The following HOMER3 variants were observed in gnomAD, a reference collection of about 807,000 sequenced individuals.
HOMER3 encodes homer scaffold protein 3, also known as homer protein homolog 3.
A neutral mutation model predicts 45.5 loss-of-function variants in HOMER3; 34 were observed. The ratio of observed to expected loss-of-function variants is 0.75; its 90% CI spans 0.57 to 1.00. The LOEUF (loss-of-function observed/expected upper bound fraction) is 1.00, where lower values mean the gene tolerates loss of function less well. Ranked by LOEUF, HOMER3 falls within the 50% of genes least tolerant of loss-of-function variation. HOMER3 has a pLI of 0.00. For synonymous variants in HOMER3, 223 were observed against 208.8 expected (o/e 1.07, Z -0.58); for missense variants, 480 against 497.5 (o/e 0.96, Z 0.33).
In HOMER3 at chr19:18,939,319, C is replaced by T. The variant is rs116893520; in HGVS notation, c.-67-270G>A. 5.4e-3 allele frequency: 1,569 copies of T among 288,216 alleles called. 10 individuals are homozygous for T. The highest frequency in any genetic ancestry group is 8.4e-3 in the Non-Finnish European group (1,299 of 153,728). The allele number at this position is 288,216 out of a possible 1,614,324, so 17.9% of individuals were successfully genotyped here. Reference sequence around the variant, plus strand: ...AGCTGGGTGTGGTGGCATGTGCCTGCCGTCCCAGCTACTGGGGAGGCTGAG... The same window carrying T: ...AGCTGGGTGTGGTGGCATGTGCCTGTCGTCCCAGCTACTGGGGAGGCTGAG... On this transcript the variant is annotated intron_variant, in intron 1 of 9. Coordinates refer to ENST00000392351, the MANE Select transcript of HOMER3 (RefSeq NM_004838.4).
In HOMER3 at chr19:18,936,680, G is replaced by T. The variant is rs550715002; in HGVS notation, c.303+1673C>A. ...ACTCTGTCTCCAAAAAAAAAAAAAA[G>T]ACCTAAATTAGAAAGGTAAATTGTT... On this transcript the variant is annotated intron_variant, in intron 4 of 9. Coordinates refer to ENST00000392351, the MANE Select transcript of HOMER3 (RefSeq NM_004838.4). 1.7e-3 allele frequency among the ~76,000 whole-genome samples: 243 copies of T among 139,144 alleles called. 1 individual carries two copies. Among genetic ancestry groups the T allele is most frequent in the African/African-American group, 5.1e-3 (191 of 37,500 alleles). 91.3% of individuals were successfully genotyped at this position (139,144 alleles called of 152,430 possible).
chr19:18,929,316 G>A lies in HOMER3; in HGVS notation c.*127C>T, dbSNP rs747771343. On this transcript the variant is annotated 3_prime_UTR_variant, in exon 10 of 10. Coordinates refer to ENST00000392351, the MANE Select transcript of HOMER3 (RefSeq NM_004838.4). ...ACTGGGGCCCACCCCAGCCCAGCCC[G>A]GCCCGGCCCACCCAGGGCTAAGTTG... 25 of 758,070 alleles carry A rather than the reference G, an allele frequency of 3.3e-5. No homozygotes were observed. Among genetic ancestry groups the A allele is most frequent in the East Asian group, 3.5e-5 (1 of 28,446 alleles). The allele number at this position is 758,070 out of a possible 1,614,324, so 47.0% of individuals were successfully genotyped here.
intron 6 of HOMER3, among the ~76,000 whole-genome samples, chr19:18,932,385 A>G (rs1421648295): frequency 7.9e-5 from 1 of 12,684 alleles, no homozygotes; most frequent in Non-Finnish European, 1.5e-4. Context: ...CGCTGGGCTG[A>G]GGCGGAGTCA....
At chr19:18,935,152 T>TTTTTG (rs1555715207) in intron 4 of HOMER3, among the ~76,000 whole-genome samples, 2 of 106,724 alleles carry the variant, frequency 1.9e-5, no homozygotes, top group African/African-American at 7.0e-5. Context: ...TTTTTTTTTT[T>TTTTTG]GGGGGGGGAC....
chr19:18,934,372 C>T lies in HOMER3; in HGVS notation c.342G>A (p.Arg114=). 6.3e-7 allele frequency: 1 copy of T among 1,594,596 alleles called. No individual in the cohort carries two copies. ...CATCCTGAGATTTCTCCCTGGCCAG[C>T]CTGGCTGCTTCCTTCACTTCCTGGA... ...EKFQEVKEAA[R]LAREKSQDGG... Residue 114 remains arginine (R), a synonymous_variant, in exon 5 of 10, where the codon AGG becomes AGA. Transcript: ENST00000392351.
chr19:18,936,851 G>A lies in HOMER3; in HGVS notation c.303+1502C>T, dbSNP rs574848623. On this transcript the variant is annotated intron_variant, in intron 4 of 9. Coordinates refer to ENST00000392351, the MANE Select transcript of HOMER3 (RefSeq NM_004838.4). Reference sequence around the variant, plus strand: ...TAAAAATACAAAAAAAATTAGCAGGGCGTGGTGGCAGGCGCCTGTAGTCCC... The same window carrying A: ...TAAAAATACAAAAAAAATTAGCAGGACGTGGTGGCAGGCGCCTGTAGTCCC... Among the ~76,000 whole-genome samples, 3 of 151,954 alleles carry A rather than the reference G, an allele frequency of 2.0e-5. No homozygotes were observed. The East Asian group carries it at 5.8e-4, about 29-fold the overall frequency.
At chr19:18,939,493 T>C (rs2145136050) in intron 1 of HOMER3, 1 of 153,106 alleles carries the variant, frequency 6.5e-6, no homozygotes, top group East Asian at 1.9e-4. Flanking sequence ...AGATAATTAT[T>C]ATAGATAACT....
Position 18,932,027 on chromosome 19 carries a change from C to A in HOMER3, c.639G>T (p.Trp213Cys). ...CACGCTGAGCCTCCAGCTGCTGCCT[C>A]CACTGGGCTGCGGCGGCGTTGGCCT... ...LREANAAAAQ[W>C]RQQLEAQRAE... is the part of the protein sequence containing the mutation. Residue 213 changes from tryptophan to cysteine, a missense_variant, in exon 7 of 10, where the codon TGG becomes TGT. Physicochemically the swap from Trp to Cys is radical, Grantham distance 215. Coordinates refer to ENST00000392351, the MANE Select transcript of HOMER3 (RefSeq NM_004838.4). 1.3e-6 allele frequency: 2 copies of A among 1,549,834 alleles called. No individual in the cohort carries two copies. Among genetic ancestry groups the A allele is most frequent in the Non-Finnish European group, 1.7e-6 (2 of 1,147,832 alleles).
Position 18,938,371 on chromosome 19 carries a change from A to G in HOMER3, c.285T>C (p.Ser95=), listed in dbSNP as rs765873598. The change falls in exon 4 of 10, where the codon TCT becomes TCC. Residue 95 remains serine (S), a synonymous_variant. Coordinates refer to ENST00000392351, the MANE Select transcript of HOMER3 (RefSeq NM_004838.4). The part of the protein sequence containing the change: ...ANTVYGLGFA[S]EQHLTQFAEK... ...GGCCCACCTGTGTCAGATGCTGTTC[A>G]GAGGCAAAGCCCAGGCCGTAGACTG... 3.1e-6 allele frequency: 5 copies of G among 1,612,124 alleles called. No individual in the cohort carries two copies. The highest frequency in any genetic ancestry group is 1.3e-5 in the African/African-American group (1 of 74,984).
chr19:18,932,683 G>A (rs933380041), intron 6 of HOMER3, among the ~76,000 whole-genome samples: 2 of 152,024 alleles, frequency 1.3e-5, no homozygotes, highest in African/African-American at 4.8e-5. Flanking sequence ...AGGCATCGAC[G>A]GGGCGAGGTT....
At chr19:18,937,698 G>GA (rs981892365) in intron 4 of HOMER3, among the ~76,000 whole-genome samples, 39 of 148,712 alleles carry the variant, frequency 2.6e-4, no homozygotes, top group African/African-American at 9.4e-4. Context: ...AAAAGAAGAA[G>GA]ATCTTCGTGA....
At chr19:18,932,696 C>A (rs531551536) in intron 6 of HOMER3, among the ~76,000 whole-genome samples, 8 of 151,710 alleles carry the variant, frequency 5.3e-5, no homozygotes, top group Admixed American at 3.9e-4. Context: ...GCGAGGTTAG[C>A]AGCGAGAAGA....
chr19:18,932,969 G>C lies in HOMER3; in HGVS notation c.488C>G (p.Pro163Arg), dbSNP rs762880381. The change falls in exon 6 of 10, where the codon CCC becomes CGC. Residue 163 changes from proline (P) to arginine (R), a missense_variant. Physicochemically the swap from Pro to Arg is moderately radical, Grantham distance 103. Coordinates refer to ENST00000392351, the MANE Select transcript of HOMER3 (RefSeq NM_004838.4). The part of the protein sequence containing the change: ...KLFRSQSADA[P>R]GPTERERLKK... ...TAGCCGCTCGCGCTCTGTGGGGCCG[G>C]GGGCATCAGCGCTCTGGCTGCGGAA... is the stretch of plus-strand genomic sequence containing the variant. 4.1e-6 allele frequency: 6 copies of C among 1,463,116 alleles called. No individual in the cohort carries two copies. Among genetic ancestry groups the C allele is most frequent in the Non-Finnish European group, 5.4e-6 (6 of 1,107,666 alleles). 90.6% of individuals were successfully genotyped at this position (1,463,116 alleles called of 1,614,324 possible).
chr19:18,935,175 T>C (rs1342517525), intron 4 of HOMER3, among the ~76,000 whole-genome samples: 1 of 149,918 alleles, frequency 6.7e-6, no homozygotes, highest in Non-Finnish European at 1.5e-5. Flanking sequence ...AATCTCGCTT[T>C]GTCACCCTGG....
In HOMER3 at chr19:18,933,072, C is replaced by T. The variant is rs536348059; in HGVS notation, c.412-27G>A. 1.4e-5 allele frequency: 20 copies of T among 1,473,228 alleles called. 1 individual carries two copies. In the South Asian group the frequency reaches 2.8e-4, roughly 21 times the overall value. The allele number at this position is 1,473,228 out of a possible 1,614,324, so 91.3% of individuals were successfully genotyped here. ...TAGGCACGGGGAAAAGAATAGGTCA[C>T]GACCCCACATCAGCTGGGATCAAGG... On this transcript the variant is annotated intron_variant, in intron 5 of 9. Coordinates refer to ENST00000392351, the MANE Select transcript of HOMER3 (RefSeq NM_004838.4).
Position 18,933,254 on chromosome 19 carries a change from C to T in HOMER3, c.412-209G>A, listed in dbSNP as rs10418247. On this transcript the variant is annotated intron_variant, in intron 5 of 9. Transcript: ENST00000392351. Reference sequence around the variant, plus strand: ...GCTGGGAGTTCCATGCCCACGCCCTCGACCTTGCCTTCCTGGGCTTTCACC... The same window carrying T: ...GCTGGGAGTTCCATGCCCACGCCCTTGACCTTGCCTTCCTGGGCTTTCACC... Among the ~76,000 whole-genome samples the T allele has an allele frequency of 6.2e-3, 950 of 152,150 alleles. 13 individuals carry two copies. The highest frequency in any genetic ancestry group is 0.022 in the African/African-American group (897 of 41,526).
chr19:18,929,231 A>AG lies in HOMER3; in HGVS notation c.*211dup, dbSNP rs745531726. 9.2e-6 allele frequency: 7 copies of AG among 764,920 alleles called. No homozygotes were observed. Among genetic ancestry groups the AG allele is most frequent in the African/African-American group, 1.7e-5 (1 of 59,146 alleles). The allele number at this position is 764,920 out of a possible 1,614,324, so 47.4% of individuals were successfully genotyped here. A position where few individuals can be genotyped will look rare whatever the true frequency, so the allele number is the denominator to read the frequency against. ...GCTTAGAAATGTAATCGGGGGATCT[A>AG]GAAATTCTACACAATGAGAAGCTCA... On this transcript the variant is annotated 3_prime_UTR_variant, in exon 10 of 10. Transcript: ENST00000392351.
chr19:18,933,087 T>G lies in HOMER3; in HGVS notation c.412-42A>C, dbSNP rs777315814. The G allele has an allele frequency of 2.1e-6, 3 of 1,453,100 alleles. No homozygotes were observed. The Admixed American group carries it at 8.7e-5, about 42-fold the overall frequency. 90.0% of individuals were successfully genotyped at this position (1,453,100 alleles called of 1,614,324 possible). The stretch of plus-strand genomic sequence containing the variant: ...GAATAGGTCACGACCCCACATCAGC[T>G]GGGATCAAGGCTGATGTGACTGGGG... On this transcript the variant is annotated intron_variant, in intron 5 of 9. Transcript: ENST00000392351.
At chr19:18,930,086 C>T (rs1156979712) in intron 9 of HOMER3, among the ~76,000 whole-genome samples, 1 of 151,740 alleles carries the variant, frequency 6.6e-6, no homozygotes, top group Non-Finnish European at 1.5e-5. Context: ...TCCATCTCTA[C>T]TAAAAATACA....
Sources: allele counts gnomAD v4.1 joint callset (sites outside exome capture counted in the v4.1 genomes callset), GRCh38; gene constraint gnomAD v4.1.1; transcripts MANE v1.5; gene names NCBI Gene and HGNC (gene_info 2026-07-23, HGNC 2026-07-21).